Variants in ANK3 observed in about 807,000 individuals in gnomAD.
ANK3 encodes the protein ankyrin-3.
ANK3 carries 57 observed loss-of-function variants against 370.9 expected under a neutral mutation model. The ratio of observed to expected loss-of-function variants is 0.15; its 90% CI spans 0.12 to 0.19. The LOEUF (loss-of-function observed/expected upper bound fraction) is 0.19, where lower values mean the gene tolerates loss of function less well. Ranked by LOEUF, ANK3 falls within the 10% of genes least tolerant of loss-of-function variation. The pLI is 1.00. For missense variants in ANK3, 4,439 were observed against 5,302.1 expected, an observed-to-expected ratio of 0.84 and a Z score of 5.06; for synonymous variants, 1,929 against 1,946.3, an observed-to-expected ratio of 0.99 and a Z score of 0.23.
At position 60,378,495 on chromosome 10, in the gene ANK3, GAC is replaced by G. The variant is rs1253540809; in HGVS notation, c.114+10928_114+10929del. On this transcript the variant is annotated intron_variant, in intron 1 of 43. Coordinates refer to ENST00000280772, the MANE Select transcript of ANK3 (RefSeq NM_020987.5). ...ACAGCATGATACTGGCATAAAAACA[GAC>G]ACATAGACCAATGAAGCAGAATAGA... Among the ~76,000 whole-genome samples, 3 of 152,078 alleles carry G rather than the reference GAC, an allele frequency of 2.0e-5. No individual in the cohort carries two copies. The East Asian group carries it at 5.8e-4, about 29-fold the overall frequency.
chr10:60,189,804 C>A (rs2096437802), intron 16 of ANK3, among the ~76,000 whole-genome samples: 1 of 151,936 alleles, frequency 6.6e-6, no homozygotes, highest in South Asian at 2.1e-4. Flanking sequence ...TTTTGCATTT[C>A]AAAATTAAAA....
intron 1 of ANK3, among the ~76,000 whole-genome samples, chr10:60,692,991 C>A (rs113322258): frequency 2.6e-5 from 4 of 152,140 alleles, no homozygotes; most frequent in African/African-American, 4.8e-5. Flanking sequence ...TCTGAGGTAC[C>A]GGGTTCATCT....
chr10:60,604,839 T>C (rs118126632), intron 2 of ANK3, among the ~76,000 whole-genome samples: 3,596 of 152,186 alleles, frequency 0.024, 54 homozygotes, highest in South Asian at 0.042. Context: ...GATAGTGTGC[T>C]TTATTATTGA....
chr10:60,552,806 C>T (rs961736301), intron 2 of ANK3, among the ~76,000 whole-genome samples: 5 of 152,300 alleles, frequency 3.3e-5, no homozygotes, highest in East Asian at 3.9e-4. Flanking sequence ...TGTTGTGGGA[C>T]GGACCCGGTG....
chr10:60,410,608 G>A (rs2132927996), intron 2 of ANK3, among the ~76,000 whole-genome samples: 1 of 152,288 alleles, frequency 6.6e-6, no homozygotes, highest in East Asian at 1.9e-4. Context: ...GAGGATGAAA[G>A]GGGATGCAGA....
At chr10:60,079,461 G>A (rs1268987660) in intron 36 of ANK3, among the ~76,000 whole-genome samples, 2 of 152,124 alleles carry the variant, frequency 1.3e-5, no homozygotes, top group African/African-American at 2.4e-5. Flanking sequence ...AAGTGGTGCA[G>A]TAGTGTCCTG....
chr10:60,489,811 A>G (rs977601339), intron 2 of ANK3, among the ~76,000 whole-genome samples: 2 of 152,252 alleles, frequency 1.3e-5, no homozygotes, highest in African/African-American at 4.8e-5. Context: ...TATCTCCATT[A>G]ATGAACATCC....
Position 60,072,815 on chromosome 10 carries a change from A to G in ANK3, c.8066T>C (p.Val2689Ala), listed in dbSNP as rs1188787464. 2 of 1,613,996 alleles carry G rather than the reference A, an allele frequency of 1.2e-6. No individual in the cohort carries two copies. Among genetic ancestry groups the G allele is most frequent in the Non-Finnish European group, 1.7e-6 (2 of 1,179,992 alleles). ...CTGTGAAATACTTCCTTTGGCTTCC[A>G]CTGTGGACTTGCTGTCCTCAGTCTG... ...SQQTEDSKST[V>A]EAKGSISQSK... is the part of the protein sequence containing the mutation. Residue 2689 changes from valine (V) to alanine (A), a missense_variant, in exon 37 of 44, where the codon GTG (valine) becomes GCG (alanine). Physicochemically the swap from Val to Ala is moderately conservative, Grantham distance 64. Coordinates refer to ENST00000280772, the MANE Select transcript of ANK3 (RefSeq NM_020987.5).
At chr10:60,617,991 G>A (rs937976908) in intron 1 of ANK3, among the ~76,000 whole-genome samples, 1 of 152,062 alleles carries the variant, frequency 6.6e-6, no homozygotes, top group African/African-American at 2.4e-5. Context: ...TGTTGACTAT[G>A]GGCTTAAGAC....
At chr10:60,692,355 T>G (rs539589906) in intron 1 of ANK3, among the ~76,000 whole-genome samples, 2 of 152,346 alleles carry the variant, frequency 1.3e-5, no homozygotes, top group East Asian at 3.9e-4. Flanking sequence ...TGTCATGGGC[T>G]GCCTCAAATG....
At chr10:60,620,251 A>G (rs897356541) in intron 1 of ANK3, among the ~76,000 whole-genome samples, 8 of 152,170 alleles carry the variant, frequency 5.3e-5, no homozygotes, top group Non-Finnish European at 1.2e-4. Flanking sequence ...GAATTATTCT[A>G]TCCATAATTC....
chr10:60,684,648 C>A (rs1169179754), intron 1 of ANK3: 8 of 1,588,678 alleles, frequency 5.0e-6, no homozygotes, highest in South Asian at 1.1e-5. Flanking sequence ...TTGTAAATAC[C>A]GTACCTACCA....
intron 1 of ANK3, among the ~76,000 whole-genome samples, chr10:60,340,406 T>A (rs1903203): frequency 0.18 from 27,903 of 152,072 alleles, 3,084 homozygotes; most frequent in South Asian, 0.3. Flanking sequence ...AGCTAATTTT[T>A]GTTTTTTTCT....
intron 26 of ANK3, among the ~76,000 whole-genome samples, chr10:60,111,140 C>T (rs901448624): frequency 1.3e-5 from 2 of 152,128 alleles, no homozygotes; most frequent in African/African-American, 4.8e-5. Context: ...AGGTAGATAG[C>T]TGATTGGAGC....
intron 2 of ANK3, among the ~76,000 whole-genome samples, chr10:60,536,461 A>G (rs1034553712): frequency 2.6e-5 from 4 of 152,106 alleles, no homozygotes; most frequent in African/African-American, 9.7e-5. Context: ...CCTTTTAAAT[A>G]AAGTTTTACA....
intron 2 of ANK3, among the ~76,000 whole-genome samples, chr10:60,481,930 C>T (rs190117551): frequency 6.6e-6 from 1 of 152,270 alleles, no homozygotes; most frequent in African/African-American, 2.4e-5. Context: ...GTACACACTC[C>T]CTGAGCGATA....
chr10:60,552,923 GCT>G (rs1161046087), intron 2 of ANK3, among the ~76,000 whole-genome samples: 2 of 152,142 alleles, frequency 1.3e-5, no homozygotes, highest in African/African-American at 4.8e-5. Context: ...CTCTGCACAA[GCT>G]CTCTCTTTGC....
intron 2 of ANK3, among the ~76,000 whole-genome samples, chr10:60,471,485 T>C (rs2065217634): frequency 6.6e-6 from 1 of 152,126 alleles, no homozygotes; most frequent in African/African-American, 2.4e-5. Context: ...TGGTATTCAG[T>C]TGCATGGATG....
At chr10:60,531,142 T>A (rs1335498300) in intron 2 of ANK3, among the ~76,000 whole-genome samples, 3 of 152,110 alleles carry the variant, frequency 2.0e-5, no homozygotes, top group African/African-American at 7.2e-5. Flanking sequence ...GGTGGCTGCT[T>A]GTTATTTGTG....
Sources: allele counts gnomAD v4.1 joint callset (sites outside exome capture counted in the v4.1 genomes callset), GRCh38; gene constraint gnomAD v4.1.1; transcripts MANE v1.5; gene names NCBI Gene and HGNC (gene_info 2026-07-23, HGNC 2026-07-21).